Variants in MGMT observed in about 807,000 individuals in gnomAD.
MGMT encodes methylated-DNA--protein-cysteine methyltransferase.
In MGMT, 14 loss-of-function variants were observed where a neutral mutation model predicts 15.9. That is an observed-to-expected ratio of 0.88 (90% CI 0.58 to 1.37). MGMT has a LOEUF of 1.37. Ranked by LOEUF, MGMT falls within the 40% of genes most tolerant of loss-of-function variation. The pLI is 0.00. For missense variants in MGMT, 282 were observed against 268.1 expected (o/e 1.05, Z -0.36); for synonymous variants, 130 against 118.2 (o/e 1.10, Z -0.65).
intron 3 of MGMT, among the ~76,000 whole-genome samples, chr10:129,720,912 C>G (rs748522184): frequency 2.0e-5 from 3 of 150,940 alleles, no homozygotes; most frequent in Non-Finnish European, 3.0e-5. Flanking sequence ...CTCCTCTTCC[C>G]TCTTCTGTTG....
chr10:129,702,168 C>T (rs1303710340), intron 2 of MGMT: 1 of 152,226 alleles, frequency 6.6e-6, no homozygotes, highest in Non-Finnish European at 1.5e-5. Context: ...GCCCCGGGAG[C>T]TTCTACCCAG....
At chr10:129,673,099 T>C (rs1222790256) in intron 2 of MGMT, among the ~76,000 whole-genome samples, 8 of 152,132 alleles carry the variant, frequency 5.3e-5, no homozygotes, top group Non-Finnish European at 1.0e-4. Context: ...TTGAGGGTGC[T>C]CAAAGGACCC....
At chr10:129,518,195 A>T (rs1049577977) in intron 1 of MGMT, among the ~76,000 whole-genome samples, 16 of 151,910 alleles carry the variant, frequency 1.1e-4, no homozygotes, top group South Asian at 4.2e-4. Flanking sequence ...TAGAAAAAAA[A>T]TTTTTCATCT....
rs554536255 is a variant in MGMT, at chr10:129,736,688, C to T, written c.275-22514C>T. Among the ~76,000 whole-genome samples, 200 of 152,230 alleles carry T rather than the reference C, an allele frequency of 1.3e-3. 2 individuals carry two copies. The highest frequency in any genetic ancestry group is 2.4e-3 in the Non-Finnish European group (163 of 68,022). On this transcript the variant is annotated intron_variant, in intron 3 of 4. Coordinates refer to ENST00000651593, the MANE Select transcript of MGMT (RefSeq NM_002412.5). ...TCTACATTTTGGCATGATTTTGCAG[C>T]GGCTGGTACCGGTTGTTCCTTTCCA...
chr10:129,595,304 G>A (rs1846738419), intron 2 of MGMT, among the ~76,000 whole-genome samples: 1 of 152,172 alleles, frequency 6.6e-6, no homozygotes, highest in Admixed American at 6.5e-5. Context: ...CTTAGAAATT[G>A]CTCTGCTCAG....
At chr10:129,708,090 T>G (rs1482257991) in intron 3 of MGMT, 47 bp downstream of exon 3, 15 of 1,567,628 alleles carry the variant, frequency 9.6e-6, no homozygotes, top group Non-Finnish European at 1.2e-5. Flanking sequence ...GAGCTTGACT[T>G]ATTAACGATC....
At chr10:129,512,698 G>A (rs7073801) in intron 1 of MGMT, among the ~76,000 whole-genome samples, 1 of 152,240 alleles carries the variant, frequency 6.6e-6, no homozygotes, top group Non-Finnish European at 1.5e-5. Flanking sequence ...TTGTTGAATT[G>A]TAGTCTGTGC....
intron 3 of MGMT, among the ~76,000 whole-genome samples, chr10:129,723,357 C>G (rs1306315591): frequency 6.6e-6 from 1 of 152,080 alleles, no homozygotes; most frequent in Non-Finnish European, 1.5e-5. Flanking sequence ...CCGTGGATAA[C>G]CATTTTCAGA....
intron 2 of MGMT, among the ~76,000 whole-genome samples, chr10:129,624,627 A>G (rs1203621736): frequency 1.3e-5 from 2 of 152,212 alleles, no homozygotes; most frequent in Non-Finnish European, 2.9e-5. Flanking sequence ...GGGAAGGCAG[A>G]GGAGGGAAAC....
chr10:129,707,922 G>T lies in MGMT; in HGVS notation c.153G>T (p.Ala51=). The T allele has an allele frequency of 1.2e-6, 2 of 1,612,246 alleles. No individual in the cohort carries two copies. The highest frequency in any genetic ancestry group is 1.7e-6 in the Non-Finnish European group (2 of 1,179,992). Residue 51 remains alanine (A), a synonymous_variant, in exon 3 of 5, where the codon GCG becomes GCT. Coordinates refer to ENST00000651593, the MANE Select transcript of MGMT (RefSeq NM_002412.5). The part of the protein sequence containing the change: ...ADAVEVPAPA[A]VLGGPEPLMQ... The stretch of plus-strand genomic sequence containing the variant: ...CCGTGGAGGTCCCAGCCCCCGCTGC[G>T]GTTCTCGGAGGTCCGGAGCCCCTGA...
At chr10:129,660,799 C>G (rs575213489) in intron 2 of MGMT, among the ~76,000 whole-genome samples, 3 of 150,330 alleles carry the variant, frequency 2.0e-5, no homozygotes, top group East Asian at 1.9e-4. Context: ...CACACACACA[C>G]GCACACACAT....
At chr10:129,511,501 A>G (rs1476603980) in intron 1 of MGMT, among the ~76,000 whole-genome samples, 1 of 152,216 alleles carries the variant, frequency 6.6e-6, no homozygotes, top group East Asian at 1.9e-4. Context: ...TTGTAATGGG[A>G]AACATCTTTG....
At chr10:129,594,258 C>T (rs927833639) in intron 2 of MGMT, among the ~76,000 whole-genome samples, 1 of 152,140 alleles carries the variant, frequency 6.6e-6, no homozygotes, top group African/African-American at 2.4e-5. Flanking sequence ...CTGAGGGGTC[C>T]TCAGATGTTT....
At chr10:129,707,272 C>A (rs1298404423) in intron 2 of MGMT, among the ~76,000 whole-genome samples, 1 of 151,804 alleles carries the variant, frequency 6.6e-6, no homozygotes, top group East Asian at 1.9e-4. Context: ...AGCAAAACTC[C>A]GTCTCAAAAC....
intron 2 of MGMT, among the ~76,000 whole-genome samples, chr10:129,673,458 G>C (rs10764896): frequency 6.6e-6 from 1 of 151,924 alleles, no homozygotes; most frequent in Non-Finnish European, 1.5e-5. Context: ...TTTAGTCTCT[G>C]TGTCTTGGTT....
At chr10:129,643,266 G>T (rs961735745) in intron 2 of MGMT, among the ~76,000 whole-genome samples, 1 of 152,208 alleles carries the variant, frequency 6.6e-6, no homozygotes, top group African/African-American at 2.4e-5. Flanking sequence ...GCAGATTAGA[G>T]ATCTACAAGA....
At chr10:129,473,773 T>A (rs1424800843) in intron 1 of MGMT, among the ~76,000 whole-genome samples, 2 of 152,218 alleles carry the variant, frequency 1.3e-5, no homozygotes, top group Non-Finnish European at 2.9e-5. Context: ...TTGAAGGCGT[T>A]GAGCCGTAGC....
At chr10:129,651,527 C>G (rs1454849427) in intron 2 of MGMT, among the ~76,000 whole-genome samples, 1 of 152,066 alleles carries the variant, frequency 6.6e-6, no homozygotes, top group Non-Finnish European at 1.5e-5. Context: ...TCTTCATCTG[C>G]TACATTTAGC....
At chr10:129,744,570 C>T (rs970826207) in intron 3 of MGMT, among the ~76,000 whole-genome samples, 5 of 152,260 alleles carry the variant, frequency 3.3e-5, no homozygotes, top group African/African-American at 1.2e-4. Context: ...CATGCCTGAC[C>T]TGAGCCTGAG....
Sources: allele counts gnomAD v4.1 joint callset (sites outside exome capture counted in the v4.1 genomes callset), GRCh38; gene constraint gnomAD v4.1.1; transcripts MANE v1.5; gene names NCBI Gene and HGNC (gene_info 2026-07-23, HGNC 2026-07-21).